Variants in CA7 observed in about 807,000 individuals in gnomAD.
CA7 encodes the protein carbonate dehydratase VII.
In CA7, 13 loss-of-function variants were observed where a neutral mutation model predicts 31.4. The ratio of observed to expected loss-of-function variants is 0.41; its 90% CI spans 0.27 to 0.66. The LOEUF (loss-of-function observed/expected upper bound fraction) is 0.66, where lower values mean the gene tolerates loss of function less well. Ranked by LOEUF, CA7 falls within the 30% of genes least tolerant of loss-of-function variation. The pLI, the probability that CA7 is intolerant of heterozygous loss-of-function variation, is 0.28. For missense variants in CA7, 215 were observed against 351.0 expected, an observed-to-expected ratio of 0.61 and a Z score of 3.10; for synonymous variants, 128 against 133.2, an observed-to-expected ratio of 0.96 and a Z score of 0.27.
chr16:66,852,539 GAAGGAAGGAAGA>G (rs1961080598), intron 5 of CA7, among the ~76,000 whole-genome samples, 161 bp from the exon 6 acceptor site: 2 of 132,772 alleles, frequency 1.5e-5, no homozygotes, highest in African/African-American at 6.6e-5. Context: ...GGAAAGGAAG[GAAGGAAGGAAGA>G]AAGAAAGAAA....
At chr16:66,848,163 G>A (rs1960966918) in intron 2 of CA7, among the ~76,000 whole-genome samples, 1 of 152,170 alleles carries the variant, frequency 6.6e-6, no homozygotes, top group Non-Finnish European at 1.5e-5. Context: ...TGAGAAGAGT[G>A]ATCTTACTTA....
At chr16:66,851,584 G>T in intron 4 of CA7, 26 bp downstream of exon 4, 1 of 1,613,236 alleles carries the variant, frequency 6.2e-7, no homozygotes, top group Non-Finnish European at 8.5e-7. Flanking sequence ...CTGGGGCCTG[G>T]AGGGGCATGG....
In CA7 at chr16:66,844,982, G is replaced by A. The variant is rs564250341; in HGVS notation, c.40+455G>A. On this transcript the variant is annotated intron_variant, in intron 1 of 6. Coordinates refer to ENST00000338437, the MANE Select transcript of CA7 (RefSeq NM_005182.3). The stretch of plus-strand genomic sequence containing the variant: ...GAGCGGGGCTCCGCGTGGCAAGGGC[G>A]CAGTGTCCCCCGGAGAGAATTTCCC... 42 of 993,374 alleles carry A rather than the reference G, an allele frequency of 4.2e-5. No homozygotes were observed. The South Asian group carries it at 1.8e-3, about 43-fold the overall frequency. 61.5% of individuals were successfully genotyped at this position (993,374 alleles called of 1,614,324 possible).
chr16:66,846,805 AT>A (rs1188973321), intron 1 of CA7, among the ~76,000 whole-genome samples: 10 of 152,108 alleles, frequency 6.6e-5, no homozygotes, highest in Admixed American at 1.3e-4. Context: ...TGGGCCTCCT[AT>A]CAGCACTGGA....
At position 66,845,313 on chromosome 16, in the gene CA7, G is replaced by A. The variant is rs997766407; in HGVS notation, c.40+786G>A. On this transcript the variant is annotated intron_variant, in intron 1 of 6. Coordinates refer to ENST00000338437, the MANE Select transcript of CA7 (RefSeq NM_005182.3). Reference sequence around the variant, plus strand: ...CCATTTCTTACCAAGCAGGGGTGGGGGTGTGGGGTAAGGGGTTCCCTATTT... The same window carrying A: ...CCATTTCTTACCAAGCAGGGGTGGGAGTGTGGGGTAAGGGGTTCCCTATTT... 4.3e-5 allele frequency: 37 copies of A among 853,820 alleles called. No homozygotes were observed. The Middle Eastern group carries it at 1.8e-3, about 41-fold the overall frequency. 52.9% of individuals were successfully genotyped at this position (853,820 alleles called of 1,614,324 possible).
intron 5 of CA7, among the ~76,000 whole-genome samples, 195 bp from the exon 6 acceptor site, chr16:66,852,517 G>GAAGGAAGGAAGGGA (rs1567507424): frequency 7.1e-6 from 1 of 140,214 alleles, no homozygotes; most frequent in Non-Finnish European, 1.5e-5. Context: ...GGGAAGGAAG[G>GAAGGAAGGAAGGGA]AAGGAAGGAA....
rs748521166 is a variant in CA7 at position 66,852,784 on chromosome 16, C to T, written c.589C>T (p.Pro197Ser). The change falls in exon 6 of 7, where the codon CCG becomes TCG. Residue 197 changes from proline to serine, a missense_variant. Physicochemically the swap from Pro to Ser is moderately conservative, Grantham distance 74. Transcript: ENST00000338437. ...LPASRHYWTY[P>S]GSLTTPPLSE... is the part of the protein sequence containing the mutation. ...TGCCAGCCGGCACTACTGGACCTAC[C>T]CGGGCTCTCTGACGACTCCCCCACT... 5 of 1,613,954 alleles carry T rather than the reference C, an allele frequency of 3.1e-6. No individual in the cohort carries two copies. Among genetic ancestry groups the T allele is most frequent in the Non-Finnish European group, 4.2e-6 (5 of 1,180,016 alleles).
chr16:66,851,671 A>G lies in CA7; in HGVS notation c.461A>G (p.Asp154Gly). The change falls in exon 5 of 7, where the codon GAC becomes GGC. Residue 154 changes from aspartate to glycine, a missense_variant. Transcript: ENST00000338437. The part of the protein sequence containing the change: ...AVVGVFLETG[D>G]EHPSMNRLTD... ...CTGCCCTCTCCCTGACAGACAGGAG[A>G]CGAGCACCCCAGCATGAATCGTCTG... The G allele has an allele frequency of 1.9e-6, 3 of 1,614,124 alleles. No homozygotes were observed. Among genetic ancestry groups the G allele is most frequent in the Non-Finnish European group, 2.5e-6 (3 of 1,180,018 alleles).
rs76870487 is a variant in CA7 at position 66,851,579 on chromosome 16, G to A, written c.453+21G>A. 2.0e-5 allele frequency: 32 copies of A among 1,613,662 alleles called. No individual in the cohort carries two copies. The East Asian group carries it at 6.7e-4, about 34-fold the overall frequency. ...TGGAGGTGAGTGGTGGTTTGCTGGG[G>A]CCTGGAGGGGCATGGGAGGCCTGGC... On this transcript the variant is annotated intron_variant, in intron 4 of 6. Transcript: ENST00000338437.
At chr16:66,849,258 C>T (rs1453852310) in intron 2 of CA7, among the ~76,000 whole-genome samples, 1 of 152,188 alleles carries the variant, frequency 6.6e-6, no homozygotes, top group African/African-American at 2.4e-5. Context: ...GTGGGGCCCT[C>T]AGAAGAGGCC....
intron 5 of CA7, 100 bp downstream of exon 5, chr16:66,851,826 C>G: frequency 9.7e-7 from 1 of 1,035,640 alleles, no homozygotes; most frequent in South Asian, 1.4e-5. Flanking sequence ...GGAGTAAACC[C>G]TTGCTGAGAC....
chr16:66,844,858 C>T, intron 1 of CA7: 1 of 1,030,776 alleles, frequency 9.7e-7, no homozygotes, highest in Non-Finnish European at 1.2e-6. Flanking sequence ...GTGCGCAGCG[C>T]GTGGGGGTGG....
At position 66,852,591 on chromosome 16, in the gene CA7, AAAAAAGAAAAGAAAAG is replaced by A. The variant is rs1314198924; in HGVS notation, c.517-115_517-100del. 21 of 556,794 alleles carry A rather than the reference AAAAAAGAAAAGAAAAG, an allele frequency of 3.8e-5. No homozygotes were observed. The African/African-American group carries it at 3.9e-4, about 10-fold the overall frequency. 34.5% of individuals were successfully genotyped at this position (556,794 alleles called of 1,614,324 possible). ...GAAAAAGAAAGAAAAGAAAAGAAAA[AAAAAAGAAAAGAAAAG>A]AAAAAAGAAAAGAAAAAAGAAAGAA... On this transcript the variant is annotated intron_variant, in intron 5 of 6. Coordinates refer to ENST00000338437, the MANE Select transcript of CA7 (RefSeq NM_005182.3).
In CA7 at chr16:66,852,754, C is replaced by T. The variant is rs1961091121; in HGVS notation, c.559C>T (p.Leu187=). 6.2e-7 allele frequency: 1 copy of T among 1,613,928 alleles called. No individual in the cohort carries two copies. Among genetic ancestry groups the T allele is most frequent in the South Asian group, 1.1e-5 (1 of 91,080 alleles). The change falls in exon 6 of 7, where the codon CTG becomes TTG. Residue 187 remains leucine (L), a synonymous_variant. Transcript: ENST00000338437. ...QFSCFNPKCL[L]PASRHYWTYP... ...CAGCTGCTTCAACCCCAAGTGCCTC[C>T]TGCCTGCCAGCCGGCACTACTGGAC... is the stretch of plus-strand genomic sequence containing the variant.
At chr16:66,848,561 G>A (rs1490307804) in intron 2 of CA7, among the ~76,000 whole-genome samples, 1 of 151,668 alleles carries the variant, frequency 6.6e-6, no homozygotes, top group African/African-American at 2.4e-5. Flanking sequence ...CACCCAGAAT[G>A]CCCAGGCCGG....
intron 2 of CA7, among the ~76,000 whole-genome samples, chr16:66,849,758 G>A (rs1961000509): frequency 6.6e-6 from 1 of 152,148 alleles, no homozygotes; most frequent in African/African-American, 2.4e-5. Context: ...CCACCTGCCG[G>A]CTGTCAGGAT....
chr16:66,852,607 G>T, intron 5 of CA7, 105 bp from the exon 6 acceptor site: 1 of 336,626 alleles, frequency 3.0e-6, no homozygotes, highest in Non-Finnish European at 4.6e-6. Flanking sequence ...GAAAAGAAAA[G>T]AAAAAAGAAA....
chr16:66,850,528 C>G lies in CA7; in HGVS notation c.239-13C>G. On this transcript the variant is annotated splice_polypyrimidine_tract_variant and intron_variant, in intron 2 of 6. Coordinates refer to ENST00000338437, the MANE Select transcript of CA7 (RefSeq NM_005182.3). Reference sequence around the variant, plus strand: ...CTCCTACTCATTGCCACTCGCCCCACTTCTACCCACAGTGGTGACTGGGGG... The same window carrying G: ...CTCCTACTCATTGCCACTCGCCCCAGTTCTACCCACAGTGGTGACTGGGGG... The G allele has an allele frequency of 6.7e-7, 1 of 1,501,552 alleles. No homozygotes were observed. Among genetic ancestry groups the G allele is most frequent in the Non-Finnish European group, 9.3e-7 (1 of 1,077,206 alleles). The allele number at this position is 1,501,552 out of a possible 1,614,324, so 93.0% of individuals were successfully genotyped here.
At chr16:66,850,061 AGTGAGCTGAGATT>A (rs1160287334) in intron 2 of CA7, among the ~76,000 whole-genome samples, 2 of 145,844 alleles carry the variant, frequency 1.4e-5, no homozygotes, top group African/African-American at 5.1e-5. Context: ...TAGAGGTTGC[AGTGAGCTGAGATT>A]GTGCCACCAC....
Sources: allele counts gnomAD v4.1 joint callset (sites outside exome capture counted in the v4.1 genomes callset), GRCh38; gene constraint gnomAD v4.1.1; transcripts MANE v1.5; gene names NCBI Gene and HGNC (gene_info 2026-07-23, HGNC 2026-07-21).